The following HERC1 variants were observed in gnomAD, a reference collection of about 807,000 sequenced individuals.
HERC1 encodes HECT and RLD domain containing E3 ubiquitin protein ligase family member 1.
HERC1 carries 160 observed loss-of-function variants against 554.3 expected under a neutral mutation model. That is an observed-to-expected ratio of 0.29 (90% CI 0.25 to 0.33). The LOEUF (loss-of-function observed/expected upper bound fraction) is 0.33. HERC1 is among the 10% of genes least tolerant of loss of function. The probability of loss-of-function intolerance (pLI) is 1.00; values close to 1 mark genes in which losing one functional copy is unlikely to be tolerated. For missense variants in HERC1, 4,919 were observed against 5,918.5 expected (o/e 0.83, Z 5.54); for synonymous variants, 2,175 against 2,131.7 (o/e 1.02, Z -0.56).
intron 1 of HERC1, among the ~76,000 whole-genome samples, chr15:63,806,892 C>CA (rs2077156225): frequency 1.3e-5 from 2 of 152,338 alleles, no homozygotes; most frequent in South Asian, 4.1e-4. Context: ...GGATTACAGG[C>CA]ATGCGCCACC....
intron 54 of HERC1, among the ~76,000 whole-genome samples, chr15:63,649,075 CCAGGCACG>C (rs540240001): frequency 1.3e-5 from 2 of 152,202 alleles, no homozygotes; most frequent in Non-Finnish European, 2.9e-5. Flanking sequence ...TTCATCTCGG[CCAGGCACG>C]GTGGCTCACG....
intron 22 of HERC1, among the ~76,000 whole-genome samples, chr15:63,714,860 C>T (rs1308666814): frequency 6.6e-6 from 1 of 151,962 alleles, no homozygotes. Flanking sequence ...AGACGGTATT[C>T]TTAATGGGAA....
chr15:63,666,137 C>G lies in HERC1; in HGVS notation c.8337G>C (p.Glu2779Asp). Reference protein sequence around the residue: ...KAMEATGARGEADAQNITVLA... With the variant: ...KAMEATGARGDADAQNITVLA... The stretch of plus-strand genomic sequence containing the variant: ...GGACAGTGATATTCTGGGCATCAGC[C>G]TCTCCCCTAGCACCTATACAGGGGA... Residue 2779 changes from glutamate (E) to aspartate (D), a missense_variant, in exon 42 of 78, where the codon GAG (glutamate) becomes GAC (aspartate). Around this residue, in one of 11 missense-constraint regions of HERC1, gnomAD observed 1,963 missense variants for 2,228.6 expected, o/e 0.88. Coordinates refer to ENST00000443617, the MANE Select transcript of HERC1 (RefSeq NM_003922.4). 1 of 1,612,904 alleles carries G rather than the reference C, an allele frequency of 6.2e-7. No homozygotes were observed. The highest frequency in any genetic ancestry group is 8.5e-7 in the Non-Finnish European group (1 of 1,179,262).
At chr15:63,633,037 C>T (rs1001910912) in intron 67 of HERC1, among the ~76,000 whole-genome samples, 1 of 152,186 alleles carries the variant, frequency 6.6e-6, no homozygotes, top group Non-Finnish European at 1.5e-5. Flanking sequence ...GACTAAAGTC[C>T]CCAGGGCCCT....
At chr15:63,637,778 AT>A (rs749052545) in intron 63 of HERC1, 135 bp from the exon 64 acceptor site, 335,211 of 716,444 alleles carry the variant, frequency 0.47, 85,301 homozygotes, top group Non-Finnish European at 0.53. Context: ...GGAAGAGTTG[AT>A]ATAACTATGC....
At chr15:63,698,415 T>C (rs539236817) in intron 26 of HERC1, among the ~76,000 whole-genome samples, 65 of 119,818 alleles carry the variant, frequency 5.4e-4, no homozygotes, top group Admixed American at 1.2e-3. Flanking sequence ...CGAAACTCCG[T>C]CTCCAAAAAA....
chr15:63,675,233 T>C, intron 37 of HERC1, 116 bp from the exon 38 acceptor site: 1 of 798,038 alleles, frequency 1.3e-6, no homozygotes, highest in Admixed American at 2.9e-5. Context: ...CAGAGAATAA[T>C]TTACACAAAC....
intron 1 of HERC1, among the ~76,000 whole-genome samples, chr15:63,828,277 G>A (rs540667680): frequency 6.6e-6 from 1 of 151,806 alleles, no homozygotes; most frequent in Non-Finnish European, 1.5e-5. Context: ...TAGAAACAAA[G>A]ATGGAGGGAT....
rs1469263683 is a variant in HERC1 at position 63,675,044 on chromosome 15, C to A, written c.7144G>T (p.Val2382Leu). The change falls in exon 38 of 78, where the codon GTG becomes TTG. Residue 2382 changes from valine (V) to leucine (L), a missense_variant. Around this residue, in one of 11 missense-constraint regions of HERC1, gnomAD observed 1,963 missense variants for 2,228.6 expected, o/e 0.88. Coordinates refer to ENST00000443617, the MANE Select transcript of HERC1 (RefSeq NM_003922.4). ...LEPCEPLPFD[V>L]ARFRGLTASV... ...GCCGTCAGGCCTCGGAATCGCGCCA[C>A]ATCAAACGGCAATGGTTCACAGGGT... 1.2e-6 allele frequency: 2 copies of A among 1,613,992 alleles called. No individual in the cohort carries two copies. The highest frequency in any genetic ancestry group is 8.5e-7 in the Non-Finnish European group (1 of 1,179,878).
rs912101513 is a variant in HERC1 at position 63,758,592 on chromosome 15, T to C, written c.1027-223A>G. On this transcript the variant is annotated intron_variant, in intron 3 of 77. Coordinates refer to ENST00000443617, the MANE Select transcript of HERC1 (RefSeq NM_003922.4). This position sits in a 1 kb window ranked among gnomAD's most constrained non-coding sequence, Gnocchi z 4.0. ...GGGAAACGGGAGACACACAATCCTT[T>C]AGCTAAACATTTTATTACTGCATAC... is the stretch of plus-strand genomic sequence containing the variant. Among the ~76,000 whole-genome samples the C allele has an allele frequency of 6.6e-6, 1 of 152,200 alleles. No individual in the cohort carries two copies. Among genetic ancestry groups the C allele is most frequent in the Non-Finnish European group, 1.5e-5 (1 of 68,042 alleles).
intron 1 of HERC1, among the ~76,000 whole-genome samples, chr15:63,810,315 C>T (rs1196900850): frequency 2.6e-5 from 4 of 152,034 alleles, no homozygotes; most frequent in African/African-American, 4.8e-5. Flanking sequence ...GGTGTATACA[C>T]ATACACTGAA....
chr15:63,617,086 T>C, intron 74 of HERC1, among the ~76,000 whole-genome samples: 1 of 152,176 alleles, frequency 6.6e-6, no homozygotes, highest in Non-Finnish European at 1.5e-5. Context: ...TGTATACATG[T>C]GCCATGTTGG....
chr15:63,766,555 G>A (rs1243629182), intron 2 of HERC1, among the ~76,000 whole-genome samples: 1 of 152,222 alleles, frequency 6.6e-6, no homozygotes, highest in African/African-American at 2.4e-5. Context: ...CTCCAGCCTA[G>A]GTGACAGAAT....
chr15:63,695,408 T>TG (rs2072350045), intron 27 of HERC1, among the ~76,000 whole-genome samples: 1 of 135,480 alleles, frequency 7.4e-6, no homozygotes, highest in Admixed American at 8.0e-5. Flanking sequence ...TTTTTTGAGA[T>TG]GGAGTCTTGC....
In HERC1 at chr15:63,734,631, C is replaced by T; in HGVS notation, c.2646+93G>A. 9.0e-7 allele frequency: 1 copy of T among 1,116,190 alleles called. No individual in the cohort carries two copies. Among genetic ancestry groups the T allele is most frequent in the Non-Finnish European group, 1.3e-6 (1 of 799,740 alleles). The allele number at this position is 1,116,190 out of a possible 1,614,324, so 69.1% of individuals were successfully genotyped here. A position where few individuals can be genotyped will look rare whatever the true frequency, so the allele number is the denominator to read the frequency against. ...ATTAACCCATCAAGTACTTATGCTC[C>T]AAGAACACATGGCAATTTATTAGTT... On this transcript the variant is annotated intron_variant, in intron 13 of 77. Transcript: ENST00000443617. The surrounding 1 kb of genome is among the most constrained non-coding windows in gnomAD (Gnocchi z 4.6).
intron 21 of HERC1, among the ~76,000 whole-genome samples, chr15:63,717,765 G>A (rs866630447): frequency 4.6e-5 from 7 of 152,086 alleles, no homozygotes; most frequent in East Asian, 1.9e-4. Flanking sequence ...CCAGCTACTC[G>A]GGAGGCTGAG....
rs368890647 is a variant in HERC1, at chr15:63,649,858, C to A, written c.10614G>T (p.Pro3538=). 2 of 1,613,026 alleles carry A rather than the reference C, an allele frequency of 1.2e-6. No individual in the cohort carries two copies. The highest frequency in any genetic ancestry group is 1.3e-5 in the African/African-American group (1 of 75,016). Residue 3538 remains proline (P), a synonymous_variant, in exon 54 of 78, where the codon CCG becomes CCT. Transcript: ENST00000443617. ...GAGACTCTCCTGACCAGGCTGTAGC[C>A]GGACCCTCTTCTGGCCAAGCCAGGG... ...VSALAWPEEG[P]ATAWSGESPE... is the part of the protein sequence containing the mutation.
At chr15:63,688,952 T>C (rs2071943054) in intron 33 of HERC1, among the ~76,000 whole-genome samples, 1 of 152,194 alleles carries the variant, frequency 6.6e-6, no homozygotes, top group South Asian at 2.1e-4. Context: ...TGCAGAGTGA[T>C]CTTTTAAAAC....
Position 63,707,060 on chromosome 15 carries a change from T to C in HERC1, c.4585-229A>G, listed in dbSNP as rs8036503. ...ACACTAACTAAAAAACTCACATTAATTAACATTGCAGAGTAGCAGTAGTTT... is the reference window on the plus strand; with the variant it reads ...ACACTAACTAAAAAACTCACATTAACTAACATTGCAGAGTAGCAGTAGTTT... On this transcript the variant is annotated intron_variant, in intron 24 of 77. Transcript: ENST00000443617. Among the ~76,000 whole-genome samples the C allele has an allele frequency of 0.27, 40,921 of 152,084 alleles. 6,097 individuals carry two copies. Among genetic ancestry groups the C allele is most frequent in the Middle Eastern group, 0.38 (113 of 294 alleles).
Sources: allele counts gnomAD v4.1 joint callset (sites outside exome capture counted in the v4.1 genomes callset), GRCh38; gene constraint gnomAD v4.1.1; regional missense constraint gnomAD v4.1.1; non-coding constraint Gnocchi (gnomAD v3.1); transcripts MANE v1.5; gene names NCBI Gene and HGNC (gene_info 2026-07-23, HGNC 2026-07-21).